The following BMAL1 variants were observed in gnomAD, a reference collection of about 807,000 sequenced individuals.
The protein encoded by BMAL1 is basic helix-loop-helix ARNT-like protein 1.
chr11:13,343,410 T>A, the BMAL1 span, among the ~76,000 whole-genome samples: 1 of 152,216 alleles, frequency 6.6e-6, no homozygotes, highest in African/African-American at 2.4e-5. Context: ...ATCTCCTCGA[T>A]CTGCTTGCCC....
At chr11:13,296,307 C>G in the BMAL1 span, among the ~76,000 whole-genome samples, 1 of 152,176 alleles carries the variant, frequency 6.6e-6, no homozygotes, top group Admixed American at 6.5e-5. Flanking sequence ...AAGCTTGTCT[C>G]ATACCTGTCT....
chr11:13,278,199 G>A, the BMAL1 span, among the ~76,000 whole-genome samples: 1 of 152,254 alleles, frequency 6.6e-6, no homozygotes, highest in Non-Finnish European at 1.5e-5. Flanking sequence ...GGCAGGCAGA[G>A]GTGCTGCAGG....
the BMAL1 span, chr11:13,372,130 G>C: frequency 1.2e-4 from 198 of 1,611,010 alleles, 1 homozygote; most frequent in South Asian, 1.9e-3. Flanking sequence ...CCCAAACCTA[G>C]TGCTGACACT....
At chr11:13,313,029 T>A in the BMAL1 span, among the ~76,000 whole-genome samples, 2 of 152,092 alleles carry the variant, frequency 1.3e-5, no homozygotes, top group Admixed American at 1.3e-4. Context: ...TCGTTGGGGG[T>A]AAAATCCATA....
At chr11:13,302,656 T>C in the BMAL1 span, among the ~76,000 whole-genome samples, 3 of 152,354 alleles carry the variant, frequency 2.0e-5, no homozygotes, top group Admixed American at 6.5e-5. Flanking sequence ...CTCTCTCTTT[T>C]CTTGAGCTTT....
chr11:13,334,223 C>T, the BMAL1 span, among the ~76,000 whole-genome samples: 79,436 of 151,948 alleles, frequency 0.52, 21,984 homozygotes, highest in Non-Finnish European at 0.62. Flanking sequence ...CTCCAGAGCC[C>T]GTGCTCTTAG....
At chr11:13,335,646 A>T in the BMAL1 span, among the ~76,000 whole-genome samples, 1 of 152,244 alleles carries the variant, frequency 6.6e-6, no homozygotes, top group Non-Finnish European at 1.5e-5. Context: ...GTCTGACTCC[A>T]ATTAACACAT....
chr11:13,350,980 C>G, the BMAL1 span, among the ~76,000 whole-genome samples: 4 of 152,176 alleles, frequency 2.6e-5, no homozygotes, highest in Admixed American at 1.3e-4. Flanking sequence ...AGAAAGTATT[C>G]TGGGCACTAA....
chr11:13,352,894 C>T, the BMAL1 span, among the ~76,000 whole-genome samples: 1 of 152,248 alleles, frequency 6.6e-6, no homozygotes, highest in African/African-American at 2.4e-5. Context: ...TGGCTGTAGG[C>T]AGGCACCCTG....
At chr11:13,355,415 G>A in the BMAL1 span, 1 of 990,434 alleles carries the variant, frequency 1.0e-6, no homozygotes. Context: ...CGAGATGTTG[G>A]CCACAAACCC....
At chr11:13,278,624 A>G in the BMAL1 span, among the ~76,000 whole-genome samples, 1 of 152,096 alleles carries the variant, frequency 6.6e-6, no homozygotes, top group Non-Finnish European at 1.5e-5. Context: ...CAGCCTGCGA[A>G]CTTTCGTGGG....
chr11:13,328,422 A>T, the BMAL1 span, among the ~76,000 whole-genome samples: 1 of 152,212 alleles, frequency 6.6e-6, no homozygotes, highest in Admixed American at 6.5e-5. Context: ...TCGACCTCAG[A>T]CTTGCTTATG....
At chr11:13,305,299 G>A in the BMAL1 span, among the ~76,000 whole-genome samples, 1 of 152,176 alleles carries the variant, frequency 6.6e-6, no homozygotes, top group Non-Finnish European at 1.5e-5. Context: ...ATGGCCTCAA[G>A]TGGCTAAACC....
At chr11:13,342,587 G>A in the BMAL1 span, among the ~76,000 whole-genome samples, 2 of 152,154 alleles carry the variant, frequency 1.3e-5, no homozygotes, top group Non-Finnish European at 2.9e-5. Context: ...AAGAAGCCCT[G>A]CAGAAGAAAA....
chr11:13,360,500 T>A, the BMAL1 span: 1 of 1,417,192 alleles, frequency 7.1e-7, no homozygotes. Flanking sequence ...TGTGGGAATT[T>A]GATGTTTCAA....
chr11:13,363,638 T>C, the BMAL1 span, among the ~76,000 whole-genome samples: 1 of 152,220 alleles, frequency 6.6e-6, no homozygotes, highest in East Asian at 1.9e-4. Context: ...TTTCAAAATA[T>C]CTTTAATAAA....
chr11:13,309,653 G>T, the BMAL1 span, among the ~76,000 whole-genome samples: 1 of 152,046 alleles, frequency 6.6e-6, no homozygotes. Flanking sequence ...GGCAGTTGGG[G>T]GTATGGGACG....
At chr11:13,329,918 T>A in the BMAL1 span, among the ~76,000 whole-genome samples, 60 of 152,322 alleles carry the variant, frequency 3.9e-4, no homozygotes, top group Non-Finnish European at 7.5e-4. Flanking sequence ...CCTCCTTTTG[T>A]TTGACCTTGA....
the BMAL1 span, among the ~76,000 whole-genome samples, chr11:13,331,720 G>A: frequency 1.3e-5 from 2 of 152,320 alleles, no homozygotes; most frequent in East Asian, 3.9e-4. Flanking sequence ...AATATCAGTG[G>A]ACTGGTGCCA....
Sources: gnomAD v4.1 joint callset for allele counts (sites outside exome capture counted in the v4.1 genomes callset) on GRCh38, gnomAD v4.1.1 for gene constraint, MANE v1.5 for transcripts, NCBI Gene and HGNC (gene_info 2026-07-23, HGNC 2026-07-21) for gene names.